Variants in MATN1 observed in about 807,000 individuals in gnomAD.
MATN1 encodes the protein matrilin-1.
A neutral mutation model predicts 41.3 loss-of-function variants in MATN1; 34 were observed. That is an observed-to-expected ratio of 0.82 (90% CI 0.63 to 1.10). The LOEUF (loss-of-function observed/expected upper bound fraction) is 1.10. Among genes scored for constraint, MATN1 ranks in the 50% least tolerant of loss-of-function variants. MATN1 has a pLI of 0.00. For missense variants in MATN1, 602 were observed against 662.4 expected (o/e 0.91, Z 1.00); for synonymous variants, 264 against 278.7 (o/e 0.95, Z 0.53).
At chr1:30,715,814 T>C in intron 5 of MATN1, 95 bp downstream of exon 5, 1 of 1,298,512 alleles carries the variant, frequency 7.7e-7, no homozygotes, top group South Asian at 1.4e-5. Context: ...TTTAGGGCAC[T>C]AATCAGACGA....
At chr1:30,719,197 G>A (rs969557141) in intron 2 of MATN1, 25 of 480,312 alleles carry the variant, frequency 5.2e-5, no homozygotes, top group Non-Finnish European at 8.1e-5. Context: ...TGCCCGGAGG[G>A]ATGTGATGCC....
Position 30,715,326 on chromosome 1 carries a change from G to C in MATN1, c.1208-17C>G. 6.2e-7 allele frequency: 1 copy of C among 1,613,562 alleles called. No individual in the cohort carries two copies. Among genetic ancestry groups the C allele is most frequent in the Non-Finnish European group, 8.5e-7 (1 of 1,179,576 alleles). ...TCTTAAAGCCTGCCAGGAGGAACAG[G>C]AGAAGTAAGGCTGGACATGGGGATG... On this transcript the variant is annotated splice_polypyrimidine_tract_variant and intron_variant, in intron 5 of 7. Coordinates refer to ENST00000373765, the MANE Select transcript of MATN1 (RefSeq NM_002379.3).
intron 7 of MATN1, chr1:30,713,971 C>T (rs1191846452): frequency 6.9e-6 from 4 of 580,446 alleles, no homozygotes; most frequent in Non-Finnish European, 6.2e-6. Flanking sequence ...CATCCATGGG[C>T]TCCATGTTCT....
At chr1:30,714,194 C>G in intron 7 of MATN1, 53 bp downstream of exon 7, 2 of 1,468,340 alleles carry the variant, frequency 1.4e-6, no homozygotes, top group African/African-American at 1.4e-5. Context: ...CCCGCCTCCC[C>G]CAACACTGGC....
Position 30,721,528 on chromosome 1 carries a change from C to CT in MATN1, c.317dup (p.Ala107GlyfsTer38), listed in dbSNP as rs1393721820. On this transcript the variant is annotated frameshift_variant, in exon 2 of 8. Coordinates refer to ENST00000373765, the MANE Select transcript of MATN1 (RefSeq NM_002379.3). LOFTEE classifies it high-confidence loss of function. ...ACAGCGGCTGGATACGGCGCACAGC[C>CT]TGCAGCAGTGCGGCCTTGGAGACAT... The CT allele has an allele frequency of 6.2e-7, 1 of 1,613,282 alleles. No individual in the cohort carries two copies. Among genetic ancestry groups the CT allele is most frequent in the Admixed American group, 1.7e-5 (1 of 60,026 alleles).
At position 30,715,195 on chromosome 1, in the gene MATN1, T is replaced by A; in HGVS notation, c.1322A>T (p.Asn441Ile). The part of the protein sequence containing the change: ...YFYTADFKTI[N>I]QIGKKLQKKI... ...CTTCTGCAACTTCTTGCCTATCTGG[T>A]TGATGGTCTTGAAGTCAGCCGTGTA... The change falls in exon 6 of 8, where the codon AAC becomes ATC. Residue 441 changes from asparagine (N) to isoleucine (I), a missense_variant. Transcript: ENST00000373765. 5.6e-6 allele frequency: 9 copies of A among 1,614,244 alleles called. No homozygotes were observed. Among genetic ancestry groups the A allele is most frequent in the Non-Finnish European group, 7.6e-6 (9 of 1,180,032 alleles).
chr1:30,723,161 G>A (rs1460535968), intron 1 of MATN1, among the ~76,000 whole-genome samples: 1 of 152,176 alleles, frequency 6.6e-6, no homozygotes, highest in Non-Finnish European at 1.5e-5. Flanking sequence ...CCTGGGCTTG[G>A]TGCAGCTCCA....
At position 30,721,770 on chromosome 1, in the gene MATN1, G is replaced by A. The variant is rs757539754; in HGVS notation, c.95-19C>T. On this transcript the variant is annotated intron_variant, in intron 1 of 7. Transcript: ENST00000373765. ...AGATGGCCTGGGAGTGGGGCAGGAG[G>A]GGTAAGGCAGAGAGCAGAGACACAG... is the stretch of plus-strand genomic sequence containing the variant. 1 of 1,588,806 alleles carries A rather than the reference G, an allele frequency of 6.3e-7. No individual in the cohort carries two copies. The highest frequency in any genetic ancestry group is 1.7e-5 in the Admixed American group (1 of 59,812).
rs1639626103 is a variant in MATN1, at chr1:30,716,910, A to G, written c.670T>C (p.Ser224Pro). The change falls in exon 4 of 8, where the codon TCA becomes CCA. Residue 224 changes from serine to proline, a missense_variant. Transcript: ENST00000373765. Reference sequence around the variant, plus strand: ...TGGTCCCCTGTGGCGCACAGGTCTGACACCACTGCGGGGACAATAAGTAGC... The same window carrying G: ...TGGTCCCCTGTGGCGCACAGGTCTGGCACCACTGCGGGGACAATAAGTAGC... ...RKFQEAFCVVSDLCATGDHDC... is the reference protein window; with the variant it reads ...RKFQEAFCVVPDLCATGDHDC... The G allele has an allele frequency of 3.7e-6, 6 of 1,612,836 alleles. No individual in the cohort carries two copies. The highest frequency in any genetic ancestry group is 4.2e-6 in the Non-Finnish European group (5 of 1,179,448).
Position 30,716,905 on chromosome 1 carries a change from G to T in MATN1, c.675C>A (p.Asp225Glu), listed in dbSNP as rs1301804129. The T allele has an allele frequency of 2.5e-6, 4 of 1,613,248 alleles. No homozygotes were observed. In the South Asian group the frequency reaches 3.3e-5, roughly 13 times the overall value. ...AGTCATGGTCCCCTGTGGCGCACAG[G>T]TCTGACACCACTGCGGGGACAATAA... Reference protein sequence around the residue: ...KFQEAFCVVSDLCATGDHDCE... With the variant: ...KFQEAFCVVSELCATGDHDCE... Residue 225 changes from aspartate to glutamate, a missense_variant, in exon 4 of 8, where the codon GAC (aspartate) becomes GAA (glutamate). Physicochemically the swap from Asp to Glu is conservative, Grantham distance 45 (BLOSUM62 2). Transcript: ENST00000373765.
chr1:30,713,564 C>G lies in MATN1; in HGVS notation c.*18G>C, dbSNP rs772921735. On this transcript the variant is annotated 3_prime_UTR_variant, in exon 8 of 8. Coordinates refer to ENST00000373765, the MANE Select transcript of MATN1 (RefSeq NM_002379.3). ...ACGTGCAGGACGCTTGGAGAGGCCA[C>G]AGTGGTGACAGGCAGCCTTAGACAA... The G allele has an allele frequency of 6.4e-6, 10 of 1,552,732 alleles. No individual in the cohort carries two copies. The highest frequency in any genetic ancestry group is 8.7e-6 in the Non-Finnish European group (10 of 1,147,384).
chr1:30,723,418 C>T (rs1294267982), intron 1 of MATN1, 40 bp downstream of exon 1: 4 of 1,414,506 alleles, frequency 2.8e-6, no homozygotes, highest in Admixed American at 2.8e-5. Context: ...GGTCAGGGCC[C>T]ACTAGCTCAG....
rs1338580745 is a variant in MATN1, at chr1:30,712,122, C to T, written c.*1460G>A. The T allele has an allele frequency of 6.6e-6, 1 of 152,216 alleles. No homozygotes were observed. Among genetic ancestry groups the T allele is most frequent in the Non-Finnish European group, 1.5e-5 (1 of 68,046 alleles). 9.4% of individuals were successfully genotyped at this position (152,216 alleles called of 1,614,324 possible). A position where few individuals can be genotyped will look rare whatever the true frequency, so the allele number is the denominator to read the frequency against. ...TGTGGTCTGAGCTTCTTGTAAAAGC[C>T]TTTTAGACATGCTCTCAAGTGTGAA... On this transcript the variant is annotated 3_prime_UTR_variant, in exon 8 of 8. Coordinates refer to ENST00000373765, the MANE Select transcript of MATN1 (RefSeq NM_002379.3).
intron 3 of MATN1, chr1:30,718,494 C>G (rs1203669485): frequency 9.5e-6 from 3 of 315,746 alleles, no homozygotes; most frequent in Non-Finnish European, 1.7e-5. Context: ...TTGCCCCGCC[C>G]CGGCGCTGAC....
Position 30,713,550 on chromosome 1 carries a change from G to C in MATN1, c.*32C>G. 1.3e-6 allele frequency: 2 copies of C among 1,551,670 alleles called. No individual in the cohort carries two copies. The highest frequency in any genetic ancestry group is 4.9e-5 in the East Asian group (2 of 41,014). ...AAGCTACGGCGGACACGTGCAGGAC[G>C]CTTGGAGAGGCCACAGTGGTGACAG... On this transcript the variant is annotated 3_prime_UTR_variant, in exon 8 of 8. Coordinates refer to ENST00000373765, the MANE Select transcript of MATN1 (RefSeq NM_002379.3).
chr1:30,722,356 G>A (rs1488801611), intron 1 of MATN1, among the ~76,000 whole-genome samples: 1 of 152,262 alleles, frequency 6.6e-6, no homozygotes, highest in Non-Finnish European at 1.5e-5. Context: ...GGTTGCCAAA[G>A]ACAGGGAAAA....
chr1:30,713,433 A>C lies in MATN1; in HGVS notation c.*149T>G. On this transcript the variant is annotated 3_prime_UTR_variant, in exon 8 of 8. Coordinates refer to ENST00000373765, the MANE Select transcript of MATN1 (RefSeq NM_002379.3). Reference sequence around the variant, plus strand: ...CATACACACACGCACACATACACACACGAGCTCCCAAACGCCATTACACGC... The same window carrying C: ...CATACACACACGCACACATACACACCCGAGCTCCCAAACGCCATTACACGC... 1 of 705,766 alleles carries C rather than the reference A, an allele frequency of 1.4e-6. No homozygotes were observed. Among genetic ancestry groups the C allele is most frequent in the African/African-American group, 1.8e-5 (1 of 56,936 alleles). 43.7% of individuals were successfully genotyped at this position (705,766 alleles called of 1,614,324 possible).
chr1:30,713,474 C>T lies in MATN1; in HGVS notation c.*108G>A. ...CATTACACGCTCTCAATAGGCACAC[C>T]CAGACACACCCCCTCCCACCCCCGG... On this transcript the variant is annotated 3_prime_UTR_variant, in exon 8 of 8. Coordinates refer to ENST00000373765, the MANE Select transcript of MATN1 (RefSeq NM_002379.3). 2 of 1,109,628 alleles carry T rather than the reference C, an allele frequency of 1.8e-6. No individual in the cohort carries two copies. The highest frequency in any genetic ancestry group is 2.7e-6 in the Non-Finnish European group (2 of 748,122). 68.7% of individuals were successfully genotyped at this position (1,109,628 alleles called of 1,614,324 possible). A position where few individuals can be genotyped will look rare whatever the true frequency, so the allele number is the denominator to read the frequency against.
chr1:30,713,457 G>T lies in MATN1; in HGVS notation c.*125C>A. ...CACGAGCTCCCAAACGCCATTACAC[G>T]CTCTCAATAGGCACACCCAGACACA... On this transcript the variant is annotated 3_prime_UTR_variant, in exon 8 of 8. Transcript: ENST00000373765. The T allele has an allele frequency of 3.5e-6, 3 of 856,988 alleles. No individual in the cohort carries two copies. Among genetic ancestry groups the T allele is most frequent in the Non-Finnish European group, 5.7e-6 (3 of 524,732 alleles). 53.1% of individuals were successfully genotyped at this position (856,988 alleles called of 1,614,324 possible). A position where few individuals can be genotyped will look rare whatever the true frequency, so the allele number is the denominator to read the frequency against.
Sources: allele counts gnomAD v4.1 joint callset (sites outside exome capture counted in the v4.1 genomes callset), GRCh38; gene constraint gnomAD v4.1.1; transcripts MANE v1.5; gene names NCBI Gene and HGNC (gene_info 2026-07-23, HGNC 2026-07-21).